MARCHF1: variants seen among roughly 807,000 people sequenced by gnomAD.
The protein encoded by MARCHF1 is E3 ubiquitin-protein ligase MARCHF1.
In MARCHF1, 40 loss-of-function variants were observed where a neutral mutation model predicts 54.2. The ratio of observed to expected loss-of-function variants is 0.74; its 90% confidence interval spans 0.57 to 0.96. The LOEUF is 0.96. Among genes scored for constraint, MARCHF1 ranks in the 40% least tolerant of loss-of-function variants. MARCHF1 has a pLI of 0.00. For missense variants in MARCHF1, 586 were observed against 656.5 expected, an observed-to-expected ratio of 0.89 and a Z score of 1.17; for synonymous variants, 236 against 236.3, an observed-to-expected ratio of 1.00 and a Z score of 0.01.
At chr4:164,007,434 C>A (rs1753318810) in intron 2 of MARCHF1, among the ~76,000 whole-genome samples, 2 of 148,808 alleles carry the variant, frequency 1.3e-5, no homozygotes, top group African/African-American at 2.5e-5. Flanking sequence ...AGCACTCAGA[C>A]AAACCCAGAA....
chr4:164,356,599 T>A (rs1430996395), intron 1 of MARCHF1, among the ~76,000 whole-genome samples: 5 of 138,524 alleles, frequency 3.6e-5, no homozygotes, highest in South Asian at 2.4e-4. Context: ...GGGATCACAC[T>A]CTGGGGACTG....
chr4:163,699,741 T>C (rs1308309160), intron 5 of MARCHF1, among the ~76,000 whole-genome samples: 1 of 152,182 alleles, frequency 6.6e-6, no homozygotes, highest in Non-Finnish European at 1.5e-5. Context: ...CTTCTAATTA[T>C]ATTTTTGAAA....
At chr4:164,124,930 G>A (rs1446008468) in intron 1 of MARCHF1, among the ~76,000 whole-genome samples, 1 of 152,128 alleles carries the variant, frequency 6.6e-6, no homozygotes, top group African/African-American at 2.4e-5. Flanking sequence ...ATAACTTAGA[G>A]TATAATCGGA....
intron 1 of MARCHF1, among the ~76,000 whole-genome samples, chr4:164,162,834 A>T (rs1353461076): frequency 6.6e-6 from 1 of 152,136 alleles, no homozygotes; most frequent in African/African-American, 2.4e-5. Flanking sequence ...GAAATTATGA[A>T]AAAAGAGCAG....
At chr4:163,604,755 T>A (rs1452937877) in intron 7 of MARCHF1, among the ~76,000 whole-genome samples, 2 of 152,152 alleles carry the variant, frequency 1.3e-5, no homozygotes, top group African/African-American at 4.8e-5. Flanking sequence ...TACATTGAAA[T>A]CCTTGTATAC....
intron 1 of MARCHF1, among the ~76,000 whole-genome samples, chr4:164,381,018 C>G (rs1170944701): frequency 2.0e-5 from 3 of 152,176 alleles, no homozygotes; most frequent in Non-Finnish European, 4.4e-5. Context: ...ACAACTGGAA[C>G]AATGAAAGCA....
intron 4 of MARCHF1, among the ~76,000 whole-genome samples, chr4:163,754,966 C>T (rs1746624622): frequency 6.6e-6 from 1 of 152,146 alleles, no homozygotes; most frequent in Admixed American, 6.5e-5. Context: ...CCTAGTCTCA[C>T]TATCCATTTA....
chr4:163,866,593 T>A (rs1189759981), intron 3 of MARCHF1, among the ~76,000 whole-genome samples: 1 of 150,452 alleles, frequency 6.6e-6, no homozygotes, highest in African/African-American at 2.4e-5. Context: ...TAGGTAACCG[T>A]TTACCCAGAG....
chr4:163,915,243 G>GA (rs1303706588), intron 3 of MARCHF1, among the ~76,000 whole-genome samples: 1 of 151,890 alleles, frequency 6.6e-6, no homozygotes, highest in East Asian at 1.9e-4. Context: ...ATGAGAGAAA[G>GA]AAAAAAATTC....
At chr4:164,271,528 T>TA (rs2111309160) in intron 1 of MARCHF1, among the ~76,000 whole-genome samples, 1 of 152,288 alleles carries the variant, frequency 6.6e-6, no homozygotes, top group Non-Finnish European at 1.5e-5. Context: ...TTTAGTTCAC[T>TA]AAAATTCATG....
chr4:163,692,996 T>C (rs1413815514), intron 5 of MARCHF1, among the ~76,000 whole-genome samples: 1 of 151,588 alleles, frequency 6.6e-6, no homozygotes, highest in Non-Finnish European at 1.5e-5. Context: ...TCATCTGGCA[T>C]GGACGTTAAT....
intron 8 of MARCHF1, among the ~76,000 whole-genome samples, chr4:163,559,025 T>C (rs1043233995): frequency 2.0e-5 from 3 of 152,210 alleles, no homozygotes; most frequent in African/African-American, 7.2e-5. Flanking sequence ...AATTCATCAT[T>C]CTCCATGACC....
chr4:163,537,770 T>C (rs1395935787), intron 9 of MARCHF1, among the ~76,000 whole-genome samples: 1 of 152,236 alleles, frequency 6.6e-6, no homozygotes, highest in African/African-American at 2.4e-5. Flanking sequence ...ATATTAACTT[T>C]AATTGATTCA....
intron 1 of MARCHF1, among the ~76,000 whole-genome samples, chr4:164,120,958 GAAGAA>G (rs1359820089): frequency 1.3e-5 from 2 of 151,684 alleles, no homozygotes; most frequent in East Asian, 1.9e-4. Flanking sequence ...AAAATTAGTA[GAAGAA>G]AAGAAATAAT....
At position 163,612,744 on chromosome 4, in the gene MARCHF1, A is replaced by G. The variant is rs1312404213; in HGVS notation, c.537T>C (p.Val179=). ...HWIQAKRRAQ[V]KFRLSRRRRR... ...TCCTTCTTCTTGACAGTCTGAATTT[A>G]ACCTGGGCTCTTCTTTTTGCCTGAA... Residue 179 remains valine, a synonymous_variant, in exon 7 of 10, where the codon GTT becomes GTC. Coordinates refer to ENST00000514618, the MANE Select transcript of MARCHF1 (RefSeq NM_001394959.1). 1 of 1,535,500 alleles carries G rather than the reference A, an allele frequency of 6.5e-7. No individual in the cohort carries two copies. Among genetic ancestry groups the G allele is most frequent in the East Asian group, 2.4e-5 (1 of 40,872 alleles).
chr4:163,707,308 CT>C (rs1744977391), intron 4 of MARCHF1, among the ~76,000 whole-genome samples: 1 of 151,900 alleles, frequency 6.6e-6, no homozygotes, highest in Non-Finnish European at 1.5e-5. Context: ...ACACAAAAGA[CT>C]GATAAAGTTT....
At chr4:163,628,526 T>C (rs569465099) in intron 5 of MARCHF1, among the ~76,000 whole-genome samples, 4 of 152,300 alleles carry the variant, frequency 2.6e-5, no homozygotes, top group East Asian at 1.9e-4. Context: ...CTATTCAACA[T>C]AGTATTAGAA....
intron 1 of MARCHF1, among the ~76,000 whole-genome samples, chr4:164,202,125 A>G (rs529923757): frequency 6.6e-6 from 1 of 152,346 alleles, no homozygotes; most frequent in South Asian, 2.1e-4. Flanking sequence ...TGAGAGTTAC[A>G]TAAGAAAAAG....
chr4:164,221,705 C>G (rs1165413704), intron 1 of MARCHF1, among the ~76,000 whole-genome samples: 2 of 151,858 alleles, frequency 1.3e-5, no homozygotes, highest in Non-Finnish European at 2.9e-5. Flanking sequence ...GATTTTTATA[C>G]TCTTCCCTGT....
Sources: gnomAD v4.1 joint callset for allele counts (sites outside exome capture counted in the v4.1 genomes callset) on GRCh38, gnomAD v4.1.1 for gene constraint, MANE v1.5 for transcripts, NCBI Gene and HGNC (gene_info 2026-07-23, HGNC 2026-07-21) for gene names.